BCL2L13: variants seen among roughly 807,000 people sequenced by gnomAD.
BCL2L13 encodes the protein BCL2 like 13.
A neutral mutation model predicts 25.8 loss-of-function variants in BCL2L13; 13 were observed. The observed-to-expected ratio is 0.50, with a 90% CI of 0.33 to 0.80. BCL2L13 has a LOEUF of 0.80. BCL2L13 is among the 30% of genes least tolerant of loss of function. The pLI, the probability that BCL2L13 is intolerant of heterozygous loss-of-function variation, is 0.02. For synonymous variants in BCL2L13, 244 were observed against 230.3 expected (o/e 1.06, Z -0.54); for missense variants, 504 against 574.9 (o/e 0.88, Z 1.26).
upstream of BCL2L13, among the ~76,000 whole-genome samples, chr22:17,635,166 T>C (rs1393830458): frequency 6.6e-6 from 1 of 151,280 alleles, no homozygotes; most frequent in Non-Finnish European, 1.5e-5. Context: ...GGCAGGTGGA[T>C]CACTTGAGGC....
chr22:17,717,026 C>A (rs941782364), intron 6 of BCL2L13, among the ~76,000 whole-genome samples: 3 of 152,216 alleles, frequency 2.0e-5, no homozygotes, highest in Non-Finnish European at 4.4e-5. Flanking sequence ...CCTTTCTTCA[C>A]CCCCTGTCCT....
At chr22:17,719,561 A>G (rs2061043825) in intron 6 of BCL2L13, among the ~76,000 whole-genome samples, 1 of 152,178 alleles carries the variant, frequency 6.6e-6, no homozygotes, top group Non-Finnish European at 1.5e-5. Context: ...ACAATGAAAT[A>G]TTATTCTCAG....
At chr22:17,718,268 T>A (rs1438606986) in intron 6 of BCL2L13, among the ~76,000 whole-genome samples, 1 of 152,112 alleles carries the variant, frequency 6.6e-6, no homozygotes, top group Non-Finnish European at 1.5e-5. Context: ...TAGGAATAAA[T>A]ACATTGAGAT....
At chr22:17,683,186 C>A in intron 2 of BCL2L13, 28 bp from the exon 3 acceptor site, 2 of 1,252,082 alleles carry the variant, frequency 1.6e-6, no homozygotes, top group African/African-American at 1.5e-5. Context: ...CTCCCTCTTT[C>A]AATAATAACC....
At chr22:17,661,231 T>G (rs1339620797) in intron 2 of BCL2L13, among the ~76,000 whole-genome samples, 2 of 145,680 alleles carry the variant, frequency 1.4e-5, no homozygotes, top group African/African-American at 4.9e-5. Context: ...TAGCTGGGAT[T>G]ACAGGCGCCC....
At chr22:17,705,768 T>C (rs1342173518) in intron 6 of BCL2L13, among the ~76,000 whole-genome samples, 4 of 152,154 alleles carry the variant, frequency 2.6e-5, no homozygotes, top group Admixed American at 1.3e-4. Context: ...ATATAAAGCC[T>C]GTGGTATGAT....
At chr22:17,635,796 G>A (rs1166062375), upstream of BCL2L13, among the ~76,000 whole-genome samples, 3 of 151,520 alleles carry the variant, frequency 2.0e-5, no homozygotes, top group South Asian at 2.1e-4. Context: ...TGCAACCTCC[G>A]CCTCCCGGGT....
chr22:17,658,840 C>A (rs1167249915), intron 2 of BCL2L13, among the ~76,000 whole-genome samples: 1 of 139,938 alleles, frequency 7.1e-6, no homozygotes, highest in African/African-American at 2.7e-5. Context: ...AGTTCACTCA[C>A]AAGGTCAGAA....
chr22:17,699,492 T>A (rs2060367280), intron 5 of BCL2L13, among the ~76,000 whole-genome samples: 1 of 152,134 alleles, frequency 6.6e-6, no homozygotes, highest in African/African-American at 2.4e-5. Context: ...ATTAAATAAG[T>A]GTGTGGATAA....
At chr22:17,696,308 C>G in intron 5 of BCL2L13, 98 bp downstream of exon 5, 1 of 1,020,134 alleles carries the variant, frequency 9.8e-7, no homozygotes, top group Non-Finnish European at 1.5e-6. Flanking sequence ...ACTGTTAGAG[C>G]TCATTCTTTA....
intron 1 of BCL2L13, among the ~76,000 whole-genome samples, chr22:17,649,172 A>G (rs548777640): frequency 2.0e-4 from 31 of 151,820 alleles, no homozygotes; most frequent in African/African-American, 7.2e-4. Context: ...ATTTCGGCTC[A>G]CTGCAACTTC....
chr22:17,648,836 G>T (rs2058581274), intron 1 of BCL2L13, among the ~76,000 whole-genome samples: 1 of 152,170 alleles, frequency 6.6e-6, no homozygotes, highest in Admixed American at 6.6e-5. Flanking sequence ...TTAGTGATTT[G>T]TAGTTTGTCT....
upstream of BCL2L13, among the ~76,000 whole-genome samples, chr22:17,634,718 G>A (rs985806092): frequency 7.9e-5 from 12 of 151,988 alleles, no homozygotes; most frequent in Non-Finnish European, 1.6e-4. Context: ...TGAGGCAGGC[G>A]GATCACTTGA....
At chr22:17,634,917 T>C (rs2058080300), upstream of BCL2L13, among the ~76,000 whole-genome samples, 1 of 149,806 alleles carries the variant, frequency 6.7e-6, no homozygotes, top group African/African-American at 2.5e-5. Flanking sequence ...CACTGTACTC[T>C]AGCCTGGGTA....
At chr22:17,723,211 C>T (rs1601802176) in intron 6 of BCL2L13, among the ~76,000 whole-genome samples, 1 of 152,126 alleles carries the variant, frequency 6.6e-6, no homozygotes, top group African/African-American at 2.4e-5. Context: ...CTGAATGCAT[C>T]CTCTTCTGGA....
chr22:17,678,382 T>C (rs1305018096), intron 2 of BCL2L13, among the ~76,000 whole-genome samples: 2 of 152,066 alleles, frequency 1.3e-5, no homozygotes, highest in Admixed American at 6.5e-5. Flanking sequence ...ATCACCGATA[T>C]AGACAGCCTT....
intron 6 of BCL2L13, among the ~76,000 whole-genome samples, chr22:17,715,122 T>A (rs770275192): frequency 3.0e-4 from 16 of 52,972 alleles, no homozygotes; most frequent in East Asian, 4.7e-4. Context: ...AGTGTTAATT[T>A]TATATATATA....
At position 17,719,846 on chromosome 22, in the gene BCL2L13, A is replaced by AAAAAC. The variant is rs1555897108; in HGVS notation, c.601-6827_601-6826insCAAAA. On this transcript the variant is annotated intron_variant, in intron 6 of 6. Transcript: ENST00000317582. ...CCATCTCAAAAAAAAAAAAAAAAAA[A>AAAAAC]AAAAGAATGAAGTATGGATACATGC... Among the ~76,000 whole-genome samples, 226 of 129,074 alleles carry AAAAAC rather than the reference A, an allele frequency of 1.8e-3. 9 individuals are homozygous for AAAAAC. The highest frequency in any genetic ancestry group is 2.3e-3 in the Non-Finnish European group (140 of 60,530). The allele number at this position is 129,074 out of a possible 152,430, so 84.7% of individuals were successfully genotyped here.
intron 2 of BCL2L13, among the ~76,000 whole-genome samples, chr22:17,680,231 C>T (rs1457777296): frequency 2.5e-5 from 1 of 40,766 alleles, no homozygotes. Context: ...AAAAAAAAAG[C>T]TGGGCACGGT....
Sources: gnomAD v4.1 joint callset for allele counts (sites outside exome capture counted in the v4.1 genomes callset) on GRCh38, gnomAD v4.1.1 for gene constraint, MANE v1.5 for transcripts, NCBI Gene and HGNC (gene_info 2026-07-23, HGNC 2026-07-21) for gene names.